Variants in MEI4 observed in about 807,000 individuals in gnomAD.
The protein encoded by MEI4 is meiotic double-stranded break formation protein 4.
MEI4 carries 27 observed loss-of-function variants against 31.4 expected under a neutral mutation model. The ratio of observed to expected loss-of-function variants is 0.86; its 90% CI spans 0.63 to 1.19. The LOEUF is 1.19. MEI4 is among the 50% of genes most tolerant of loss of function. The probability of loss-of-function intolerance (pLI) is 0.00; values close to 1 mark genes in which losing one functional copy is unlikely to be tolerated. For missense variants in MEI4, 329 were observed against 398.9 expected (o/e 0.82, Z 1.49); for synonymous variants, 122 against 145.4 (o/e 0.84, Z 1.16).
intron 4 of MEI4, among the ~76,000 whole-genome samples, chr6:77,899,356 C>A (rs750826212): frequency 6.6e-6 from 1 of 151,850 alleles, no homozygotes; most frequent in Admixed American, 6.6e-5. Flanking sequence ...GATTTTTTTA[C>A]CAGAAAATTA....
intron 2 of MEI4, among the ~76,000 whole-genome samples, chr6:77,758,840 G>A (rs1272659139): frequency 6.6e-6 from 1 of 151,914 alleles, no homozygotes; most frequent in Admixed American, 6.6e-5. Context: ...TGCCACATTT[G>A]TCTGCAGTTG....
intron 4 of MEI4, among the ~76,000 whole-genome samples, chr6:77,850,929 C>T (rs571348756): frequency 6.6e-6 from 1 of 152,000 alleles, no homozygotes; most frequent in Non-Finnish European, 1.5e-5. Flanking sequence ...AGAACTCAAA[C>T]AAATTTACAA....
chr6:77,873,939 G>C (rs1481839300), intron 4 of MEI4, among the ~76,000 whole-genome samples: 1 of 152,094 alleles, frequency 6.6e-6, no homozygotes, highest in Non-Finnish European at 1.5e-5. Flanking sequence ...ATTTCTGAGG[G>C]CTCTGTTCTG....
chr6:77,766,450 G>C lies in MEI4; in HGVS notation c.768+4785G>C, dbSNP rs1166998450. Among the ~76,000 whole-genome samples, 3 of 152,244 alleles carry C rather than the reference G, an allele frequency of 2.0e-5. No individual in the cohort carries two copies. In the East Asian group the frequency reaches 5.8e-4, roughly 29 times the overall value. On this transcript the variant is annotated intron_variant, in intron 3 of 4. Transcript: ENST00000684080. ...TTTTTTTGAGACGGAGTCTCTCTCTGTTGCCCAGGCTGGAGTGCAGTGGCA... is the reference window on the plus strand; with the variant it reads ...TTTTTTTGAGACGGAGTCTCTCTCTCTTGCCCAGGCTGGAGTGCAGTGGCA...
At chr6:77,873,759 T>C (rs1458086326) in intron 4 of MEI4, among the ~76,000 whole-genome samples, 1 of 152,204 alleles carries the variant, frequency 6.6e-6, no homozygotes, top group Non-Finnish European at 1.5e-5. Flanking sequence ...AAGTCTTTAA[T>C]CCATCTTGAA....
At chr6:77,753,641 A>G (rs1460420513) in intron 2 of MEI4, among the ~76,000 whole-genome samples, 1 of 152,218 alleles carries the variant, frequency 6.6e-6, no homozygotes, top group African/African-American at 2.4e-5. Context: ...GAATGCTTTT[A>G]CACTGTTGGT....
At chr6:77,802,180 A>T (rs1209730489) in intron 3 of MEI4, among the ~76,000 whole-genome samples, 1 of 152,196 alleles carries the variant, frequency 6.6e-6, no homozygotes, top group Non-Finnish European at 1.5e-5. Context: ...TATAGTTATG[A>T]TAGTTAGCTC....
intron 4 of MEI4, among the ~76,000 whole-genome samples, chr6:77,857,562 G>T (rs1770774855): frequency 6.6e-6 from 1 of 152,126 alleles, no homozygotes; most frequent in African/African-American, 2.4e-5. Context: ...AATTGTGTTG[G>T]AATACTCTCC....
At chr6:77,823,580 T>C (rs924191681) in intron 3 of MEI4, among the ~76,000 whole-genome samples, 2 of 152,228 alleles carry the variant, frequency 1.3e-5, no homozygotes, top group Non-Finnish European at 2.9e-5. Flanking sequence ...TAAAGTTTTA[T>C]AGGCATGCTT....
chr6:77,738,500 C>A (rs961274186), intron 2 of MEI4, among the ~76,000 whole-genome samples: 9 of 152,082 alleles, frequency 5.9e-5, no homozygotes, highest in African/African-American at 2.2e-4. Flanking sequence ...CATTGAGGGG[C>A]ATTTGGGTTG....
At chr6:77,806,513 T>C (rs1353787257) in intron 3 of MEI4, among the ~76,000 whole-genome samples, 2 of 152,154 alleles carry the variant, frequency 1.3e-5, no homozygotes, top group Non-Finnish European at 2.9e-5. Context: ...TCAGGGTATG[T>C]ATAGAATATA....
intron 3 of MEI4, among the ~76,000 whole-genome samples, chr6:77,772,518 C>G (rs952092803): frequency 6.6e-6 from 1 of 151,882 alleles, no homozygotes; most frequent in Admixed American, 6.6e-5. Flanking sequence ...TTCAGTATCC[C>G]TCCAGGATTA....
chr6:77,739,916 A>G (rs1157136336), intron 2 of MEI4, among the ~76,000 whole-genome samples: 2 of 152,096 alleles, frequency 1.3e-5, no homozygotes, highest in African/African-American at 4.8e-5. Context: ...AGATCTTTCT[A>G]ACTTTCTGAT....
chr6:77,730,668 G>C (rs1766957377), intron 2 of MEI4, among the ~76,000 whole-genome samples: 1 of 151,568 alleles, frequency 6.6e-6, no homozygotes. Flanking sequence ...GGGTACACGT[G>C]CACAATGTGC....
At position 77,925,412 on chromosome 6, in the gene MEI4, G is replaced by A. The variant is rs923019721; in HGVS notation, c.*2066G>A. 6.6e-6 allele frequency: 1 copy of A among 151,716 alleles called. No individual in the cohort carries two copies. The highest frequency in any genetic ancestry group is 1.5e-5 in the Non-Finnish European group (1 of 67,866). The allele number at this position is 151,716 out of a possible 1,614,324, so 9.4% of individuals were successfully genotyped here. ...GTTTCAGTCTATATCAGAGTGAATG[G>A]TGTAGTAAATTAGTATTAAGGTCCA... On this transcript the variant is annotated 3_prime_UTR_variant, in exon 5 of 5. Transcript: ENST00000684080.
At position 77,925,001 on chromosome 6, in the gene MEI4, A is replaced by G. The variant is rs113773637; in HGVS notation, c.*1655A>G. ...TTTCTAATGTCTGATTCCTGTGAACACCTGTGAAGGCTTATGGAAGTCACT... is the reference window on the plus strand; with the variant it reads ...TTTCTAATGTCTGATTCCTGTGAACGCCTGTGAAGGCTTATGGAAGTCACT... On this transcript the variant is annotated 3_prime_UTR_variant, in exon 5 of 5. Coordinates refer to ENST00000684080, the MANE Select transcript of MEI4 (RefSeq NM_001322247.2). The G allele has an allele frequency of 6.6e-6, 1 of 151,968 alleles. No individual in the cohort carries two copies. The highest frequency in any genetic ancestry group is 2.4e-5 in the African/African-American group (1 of 41,504). The allele number at this position is 151,968 out of a possible 1,614,324, so 9.4% of individuals were successfully genotyped here.
At chr6:77,914,850 G>T (rs1581976793) in intron 4 of MEI4, among the ~76,000 whole-genome samples, 2 of 152,068 alleles carry the variant, frequency 1.3e-5, no homozygotes, top group East Asian at 3.9e-4. Context: ...TTGACTTAAA[G>T]TCTATTTTAT....
chr6:77,682,549 C>T (rs1434120530), intron 1 of MEI4, among the ~76,000 whole-genome samples: 1 of 152,074 alleles, frequency 6.6e-6, no homozygotes, highest in Admixed American at 6.5e-5. Flanking sequence ...AATTAAGTTC[C>T]CTTCAGAACC....
intron 4 of MEI4, among the ~76,000 whole-genome samples, chr6:77,915,277 C>A (rs1428287198): frequency 6.6e-6 from 1 of 151,980 alleles, no homozygotes; most frequent in Non-Finnish European, 1.5e-5. Context: ...ATCTTCATTT[C>A]ACTTCTGGTT....
Sources: allele counts gnomAD v4.1 joint callset (sites outside exome capture counted in the v4.1 genomes callset), GRCh38; gene constraint gnomAD v4.1.1; transcripts MANE v1.5; gene names NCBI Gene and HGNC (gene_info 2026-07-23, HGNC 2026-07-21).